QRICH2: variants seen among roughly 807,000 people sequenced by gnomAD.
QRICH2 encodes the protein glutamine rich 2.
QRICH2 carries 119 observed loss-of-function variants against 168.3 expected under a neutral mutation model. The observed-to-expected ratio is 0.71, with a 90% CI of 0.61 to 0.82. QRICH2 has a LOEUF of 0.82. QRICH2 is among the 40% of genes least tolerant of loss of function. The probability of loss-of-function intolerance (pLI) is 0.00; values close to 1 mark genes in which losing one functional copy is unlikely to be tolerated. For synonymous variants in QRICH2, 894 were observed against 951.2 expected (o/e 0.94, Z 1.11); for missense variants, 2,241 against 2,491.6 (o/e 0.90, Z 2.14).
chr17:76,276,815 C>T (rs531775637), intron 16 of QRICH2, 48 bp from the exon 17 acceptor site: 3 of 1,424,192 alleles, frequency 2.1e-6, no homozygotes, highest in East Asian at 4.6e-5. Flanking sequence ...CCACAGCCCT[C>T]CCCTGGCCCC....
chr17:76,304,895 C>T lies in QRICH2; in HGVS notation c.581G>A (p.Arg194Gln), dbSNP rs550617765. 1.9e-5 allele frequency: 30 copies of T among 1,612,948 alleles called. No individual in the cohort carries two copies. The highest frequency in any genetic ancestry group is 6.7e-5 in the Admixed American group (4 of 59,984). ...VDELEKLFKDREQFLELVSRK... is the reference protein window; with the variant it reads ...VDELEKLFKDQEQFLELVSRK... ...GGCTGGTATTACCAGGAATTGCTCC[C>T]GATCTTTGAATAGCTTCTCTAGTTC... is the stretch of plus-strand genomic sequence containing the variant. The change falls in exon 2 of 19, where the codon CGG becomes CAG. Residue 194 changes from arginine (R) to glutamine (Q), a missense_variant. Transcript: ENST00000680821.
At position 76,306,518 on chromosome 17, in the gene QRICH2, C is replaced by T. The variant is rs78005964; in HGVS notation, c.534+947G>A. On this transcript the variant is annotated intron_variant, in intron 1 of 18. Transcript: ENST00000680821. The stretch of plus-strand genomic sequence containing the variant: ...TCTATTACCTCCTGGCGCTGACCTG[C>T]GTTGCTTCCTGCTGTTCACTGGACA... Among the ~76,000 whole-genome samples the T allele has an allele frequency of 1.7e-3, 257 of 152,318 alleles. 1 individual carries two copies. The highest frequency in any genetic ancestry group is 6.1e-3 in the African/African-American group (252 of 41,572).
chr17:76,304,439 C>A lies in QRICH2; in HGVS notation c.681G>T (p.Thr227=). 6.2e-7 allele frequency: 1 copy of A among 1,613,336 alleles called. No homozygotes were observed. Among genetic ancestry groups the A allele is most frequent in the Non-Finnish European group, 8.5e-7 (1 of 1,179,846 alleles). The change falls in exon 3 of 19, where the codon ACG becomes ACT. Residue 227 remains threonine (T), a synonymous_variant. Transcript: ENST00000680821. The part of the protein sequence containing the change: ...VTWEELEQAI[T]DGWRASQAGS... Reference sequence around the variant, plus strand: ...CCGCTTGTGAGGCTCTCCAGCCGTCCGTAATCGCCTGCTCCAGCTCTTCCC... The same window carrying A: ...CCGCTTGTGAGGCTCTCCAGCCGTCAGTAATCGCCTGCTCCAGCTCTTCCC...
Position 76,294,980 on chromosome 17 carries a change from C to T in QRICH2, c.706-959G>A, listed in dbSNP as rs1039783325. 2.0e-5 allele frequency among the ~76,000 whole-genome samples: 3 copies of T among 151,460 alleles called. No individual in the cohort carries two copies. The East Asian group carries it at 5.8e-4, about 29-fold the overall frequency. On this transcript the variant is annotated intron_variant, in intron 3 of 18. Transcript: ENST00000680821. Reference sequence around the variant, plus strand: ...GGCACGGTGGCTCATGCCTGTAATCCCAGCACTTTGGGAGGCCGAGGTGGG... The same window carrying T: ...GGCACGGTGGCTCATGCCTGTAATCTCAGCACTTTGGGAGGCCGAGGTGGG...
rs1389501549 is a variant in QRICH2 at position 76,276,723 on chromosome 17, C to G, written c.5310G>C (p.Lys1770Asn). The change falls in exon 17 of 19, where the codon AAG (lysine) becomes AAC (asparagine). Residue 1770 changes from lysine (K) to asparagine (N), a missense_variant. Lys to Asn is a moderately conservative substitution (Grantham distance 94). Transcript: ENST00000680821. ...CTGGCAGCCTTGTGTCCATCCGTCC[C>G]TTGTAAATGTGGCCATCCAGGCCCA... Reference protein sequence around the residue: ...DILGLDGHIYKGRMDTRLPGI... With the variant: ...DILGLDGHIYNGRMDTRLPGI... 6.2e-7 allele frequency: 1 copy of G among 1,613,806 alleles called. No individual in the cohort carries two copies. Among genetic ancestry groups the G allele is most frequent in the African/African-American group, 1.3e-5 (1 of 75,058 alleles).
In QRICH2 at chr17:76,300,813, A is replaced by T. The variant is rs147019505; in HGVS notation, c.705+3602T>A. 5.3e-3 allele frequency among the ~76,000 whole-genome samples: 812 copies of T among 152,286 alleles called. 6 individuals are homozygous for T. Among genetic ancestry groups the T allele is most frequent in the African/African-American group, 0.019 (775 of 41,580 alleles). The stretch of plus-strand genomic sequence containing the variant: ...ACGCCTGTAATCCCAGCACTTTGGG[A>T]GGCCAAGGCAGGCAGATCACCCGAG... On this transcript the variant is annotated intron_variant, in intron 3 of 18. Coordinates refer to ENST00000680821, the MANE Select transcript of QRICH2 (RefSeq NM_001388453.1).
Position 76,308,223 on chromosome 17 carries a change from T to G in QRICH2, c.-225A>C, listed in dbSNP as rs1418639428. ...ACCCCTCCGCTGTCTGTCGCTGGCC[T>G]CGGGTCCCCGAGCTGGAGCCCTGGA... On this transcript the variant is annotated 5_prime_UTR_variant, in exon 1 of 19. Transcript: ENST00000680821. 2.0e-6 allele frequency: 2 copies of G among 985,358 alleles called. No homozygotes were observed. Among genetic ancestry groups the G allele is most frequent in the East Asian group, 1.1e-4 (1 of 8,816 alleles). The allele number at this position is 985,358 out of a possible 1,614,324, so 61.0% of individuals were successfully genotyped here. A position where few individuals can be genotyped will look rare whatever the true frequency, so the allele number is the denominator to read the frequency against.
chr17:76,297,870 GTTTTTTTT>G (rs1169251679), intron 3 of QRICH2, among the ~76,000 whole-genome samples: 54 of 79,492 alleles, frequency 6.8e-4, no homozygotes, highest in African/African-American at 2.6e-3. Flanking sequence ...TTAGGAATCT[GTTTTTTTT>G]TTTTTTTTTT....
intron 1 of QRICH2, among the ~76,000 whole-genome samples, chr17:76,306,868 T>C (rs118024496): frequency 0.13 from 19,209 of 150,752 alleles, 2,872 homozygotes; most frequent in African/African-American, 0.37. Context: ...GCCTGGGTGA[T>C]AGAGTGAGAC....
At position 76,279,044 on chromosome 17, in the gene QRICH2, C is replaced by T. The variant is rs976209449; in HGVS notation, c.4913G>A (p.Arg1638His). 2 of 1,612,872 alleles carry T rather than the reference C, an allele frequency of 1.2e-6. No individual in the cohort carries two copies. Among genetic ancestry groups the T allele is most frequent in the Non-Finnish European group, 1.7e-6 (2 of 1,179,298 alleles). The stretch of plus-strand genomic sequence containing the variant: ...CATATGCTGTCCCATAGCATACTTG[C>T]GGCTATGCTGCCGGACCTGCTCCAG... ...FELEQVRQHS[R>H]NLKLGSAFPR... Residue 1638 changes from arginine (R) to histidine (H), a missense_variant, in exon 14 of 19, where the codon CGC becomes CAC. Around this residue, in one of 3 missense-constraint regions of QRICH2, gnomAD observed 2,047 missense variants for 2,303.8 expected, o/e 0.89. Transcript: ENST00000680821.
chr17:76,294,284 C>T lies in QRICH2; in HGVS notation c.706-263G>A, dbSNP rs143199549. Among the ~76,000 whole-genome samples the T allele has an allele frequency of 4.3e-3, 647 of 151,920 alleles. 3 individuals carry two copies. The highest frequency in any genetic ancestry group is 6.7e-3 in the Non-Finnish European group (457 of 67,956). On this transcript the variant is annotated intron_variant, in intron 3 of 18. Coordinates refer to ENST00000680821, the MANE Select transcript of QRICH2 (RefSeq NM_001388453.1). Reference sequence around the variant, plus strand: ...TACTAAAAATACAAAATTAGCCAGGCGTGGTGGCATGTGTCTGTAATCTCA... The same window carrying T: ...TACTAAAAATACAAAATTAGCCAGGTGTGGTGGCATGTGTCTGTAATCTCA...
At chr17:76,299,587 A>AG (rs1568124741) in intron 3 of QRICH2, among the ~76,000 whole-genome samples, 1 of 151,834 alleles carries the variant, frequency 6.6e-6, no homozygotes, top group East Asian at 2.0e-4. Flanking sequence ...AAATACAAAA[A>AG]TTAGCTGGGC....
Position 76,284,168 on chromosome 17 carries a change from C to CAAAAAAAAAAAA in QRICH2, c.4012-2065_4012-2054dup, listed in dbSNP as rs61553346. Reference sequence around the variant, plus strand: ...GGGCAACAGAGCAAAACTCTGTCTCCAAAAAAAAAAAAAAAAAAAAAAAAA... The same window carrying CAAAAAAAAAAAA: ...GGGCAACAGAGCAAAACTCTGTCTCCAAAAAAAAAAAAAAAAAAAAAAAAAAAAAAAAAAAAA... On this transcript the variant is annotated intron_variant, in intron 7 of 18. Coordinates refer to ENST00000680821, the MANE Select transcript of QRICH2 (RefSeq NM_001388453.1). Among the ~76,000 whole-genome samples the CAAAAAAAAAAAA allele has an allele frequency of 8.0e-3, 504 of 62,698 alleles. 29 individuals carry two copies. Among genetic ancestry groups the CAAAAAAAAAAAA allele is most frequent in the African/African-American group, 0.018 (163 of 9,174 alleles). 41.1% of individuals were successfully genotyped at this position (62,698 alleles called of 152,430 possible). A position where few individuals can be genotyped will look rare whatever the true frequency, so the allele number is the denominator to read the frequency against.
intron 5 of QRICH2, among the ~76,000 whole-genome samples, chr17:76,289,429 C>G (rs1407031426): frequency 6.6e-6 from 1 of 152,044 alleles, no homozygotes; most frequent in Admixed American, 6.5e-5. Context: ...TCAAGTGATC[C>G]TCCTGCCTTG....
chr17:76,274,132 C>G lies in QRICH2; in HGVS notation c.5611G>C (p.Gly1871Arg), dbSNP rs937485741. Residue 1871 changes from glycine to arginine, a missense_variant, in exon 19 of 19, where the codon GGG becomes CGG. Around this residue, in one of 3 missense-constraint regions of QRICH2, gnomAD observed 189 missense variants for 169.3 expected, o/e 1.12. Coordinates refer to ENST00000680821, the MANE Select transcript of QRICH2 (RefSeq NM_001388453.1). ...CGCGTGGGCTCCTCGAGCCCCTCCC[C>G]AGGAGGCATGTCCACGTGCCTCTCC... ...GLERHVDMPP[G>R]EGLEEPTRGP... 1 of 1,591,924 alleles carries G rather than the reference C, an allele frequency of 6.3e-7. No individual in the cohort carries two copies. The highest frequency in any genetic ancestry group is 8.5e-7 in the Non-Finnish European group (1 of 1,172,216).
In QRICH2 at chr17:76,281,701, G is replaced by A. The variant is rs1212384197; in HGVS notation, c.4263+163C>T. Among the ~76,000 whole-genome samples the A allele has an allele frequency of 1.3e-5, 2 of 152,250 alleles. No homozygotes were observed. The highest frequency in any genetic ancestry group is 4.8e-5 in the African/African-American group (2 of 41,470). ...CTGCTACCCTCGCTGTGGACCTGCA[G>A]AAAGACCAGGGACTCTTGTGGGATC... is the stretch of plus-strand genomic sequence containing the variant. On this transcript the variant is annotated intron_variant, in intron 8 of 18. Transcript: ENST00000680821. The surrounding 1 kb of genome is among the most constrained non-coding windows in gnomAD (Gnocchi z 4.4).
At position 76,295,056 on chromosome 17, in the gene QRICH2, C is replaced by T. The variant is rs552316136; in HGVS notation, c.706-1035G>A. ...ACCATCCTGGCCAACATGATGAAAC[C>T]CCGTCTCTACTAAAAACAAATAAAT... On this transcript the variant is annotated intron_variant, in intron 3 of 18. Coordinates refer to ENST00000680821, the MANE Select transcript of QRICH2 (RefSeq NM_001388453.1). Among the ~76,000 whole-genome samples the T allele has an allele frequency of 3.8e-5, 5 of 132,090 alleles. No individual in the cohort carries two copies. The South Asian group carries it at 7.3e-4, about 19-fold the overall frequency. The allele number at this position is 132,090 out of a possible 152,430, so 86.7% of individuals were successfully genotyped here. A position where few individuals can be genotyped will look rare whatever the true frequency, so the allele number is the denominator to read the frequency against.
Position 76,291,474 on chromosome 17 carries a change from C to T in QRICH2, c.3253G>A (p.Glu1085Lys), listed in dbSNP as rs1296072353. 9 of 1,614,036 alleles carry T rather than the reference C, an allele frequency of 5.6e-6. No individual in the cohort carries two copies. The highest frequency in any genetic ancestry group is 6.8e-6 in the Non-Finnish European group (8 of 1,180,048). Residue 1085 changes from glutamate (E) to lysine (K), a missense_variant, in exon 4 of 19, where the codon GAG becomes AAG. Around this residue, in one of 3 missense-constraint regions of QRICH2, gnomAD observed 2,047 missense variants for 2,303.8 expected, o/e 0.89. Coordinates refer to ENST00000680821, the MANE Select transcript of QRICH2 (RefSeq NM_001388453.1). ...QQHVASPGPG[E>K]HDQVYPDAAQ... ...GCATCTGGGTATACCTGGTCATGCTCACCTGGGCCAGGTGATGCCACATGC... is the reference window on the plus strand; with the variant it reads ...GCATCTGGGTATACCTGGTCATGCTTACCTGGGCCAGGTGATGCCACATGC...
Position 76,298,400 on chromosome 17 carries a change from T to G in QRICH2, c.706-4379A>C, listed in dbSNP as rs955405605. 2.0e-5 allele frequency among the ~76,000 whole-genome samples: 3 copies of G among 149,440 alleles called. No homozygotes were observed. The East Asian group carries it at 6.0e-4, about 30-fold the overall frequency. On this transcript the variant is annotated intron_variant, in intron 3 of 18. Coordinates refer to ENST00000680821, the MANE Select transcript of QRICH2 (RefSeq NM_001388453.1). ...TTCACCGTGTTAGCCAGGATGGTCTTGATCTCCTGACCTGGTGATCCGCCC... is the reference window on the plus strand; with the variant it reads ...TTCACCGTGTTAGCCAGGATGGTCTGGATCTCCTGACCTGGTGATCCGCCC...
Sources: gnomAD v4.1 joint callset for allele counts (sites outside exome capture counted in the v4.1 genomes callset) on GRCh38, gnomAD v4.1.1 for gene constraint, gnomAD v4.1.1 regional missense constraint, Gnocchi (gnomAD v3.1) non-coding constraint, MANE v1.5 for transcripts, NCBI Gene and HGNC (gene_info 2026-07-23, HGNC 2026-07-21) for gene names.